Variants in TCF7L1 observed in about 807,000 individuals in gnomAD.
The protein encoded by TCF7L1 is transcription factor 7 like 1.
In TCF7L1, 18 loss-of-function variants were observed where a neutral mutation model predicts 63.7. The observed-to-expected ratio is 0.28, with a 90% confidence interval of 0.20 to 0.42. The LOEUF is 0.42. Ranked by LOEUF, TCF7L1 falls within the 10% of genes least tolerant of loss-of-function variation. The probability of loss-of-function intolerance (pLI) is 1.00; values close to 1 mark genes in which losing one functional copy is unlikely to be tolerated. For missense variants in TCF7L1, 654 were observed against 779.3 expected (o/e 0.84, Z 1.91); for synonymous variants, 355 against 340.9 (o/e 1.04, Z -0.46).
At chr2:85,230,206 G>C (rs1226300031) in intron 3 of TCF7L1, among the ~76,000 whole-genome samples, 1 of 151,992 alleles carries the variant, frequency 6.6e-6, no homozygotes, top group African/African-American at 2.4e-5. Flanking sequence ...TAGAAACTCG[G>C]GTTTTTCTGG....
rs189855704 is a variant in TCF7L1, at chr2:85,218,642, G to A, written c.442-64853G>A. 5.4e-4 allele frequency among the ~76,000 whole-genome samples: 81 copies of A among 150,952 alleles called. No individual in the cohort carries two copies. In the East Asian group the frequency reaches 0.014, roughly 26 times the overall value. On this transcript the variant is annotated intron_variant, in intron 3 of 11. Coordinates refer to ENST00000282111, the MANE Select transcript of TCF7L1 (RefSeq NM_031283.3). ...TTAAAATATCTTTTTATTCCAATGG[G>A]GGGGGGAAAACTGGTGATAGTGTTC...
At chr2:85,302,676 G>A in intron 5 of TCF7L1, 60 bp downstream of exon 5, 1 of 1,572,608 alleles carries the variant, frequency 6.4e-7, no homozygotes, top group Middle Eastern at 1.7e-4. Context: ...TCTTTTGTGG[G>A]AACATAACAG....
At chr2:85,277,823 A>T (rs564606471) in intron 3 of TCF7L1, among the ~76,000 whole-genome samples, 1 of 152,252 alleles carries the variant, frequency 6.6e-6, no homozygotes, top group South Asian at 2.1e-4. Context: ...GGCCCTGCTT[A>T]AAGGCTTTTC....
At chr2:85,212,003 T>C (rs1438184759) in intron 3 of TCF7L1, among the ~76,000 whole-genome samples, 2 of 140,758 alleles carry the variant, frequency 1.4e-5, no homozygotes, top group Non-Finnish European at 3.0e-5. Context: ...GGCAGGAGAA[T>C]CGCTTGAACC....
intron 3 of TCF7L1, among the ~76,000 whole-genome samples, chr2:85,152,148 C>T (rs1407902550): frequency 6.6e-6 from 1 of 152,214 alleles, no homozygotes; most frequent in Non-Finnish European, 1.5e-5. Flanking sequence ...TGCTTCTCTG[C>T]TTACTGGTCT....
Position 85,134,573 on chromosome 2 carries a change from C to A in TCF7L1, c.441+123C>A, listed in dbSNP as rs775016076. ...GCCGATCCCAAGCAGAACTTGTTTG[C>A]GGAGTTGAACTACTCTCTGGCGGCC... On this transcript the variant is annotated intron_variant, in intron 3 of 11. Transcript: ENST00000282111. This position sits in a 1 kb window ranked among gnomAD's most constrained non-coding sequence, Gnocchi z 5.0. 7.7e-7 allele frequency: 1 copy of A among 1,304,600 alleles called. No homozygotes were observed. The highest frequency in any genetic ancestry group is 1.0e-6 in the Non-Finnish European group (1 of 980,432). The allele number at this position is 1,304,600 out of a possible 1,614,324, so 80.8% of individuals were successfully genotyped here. A position where few individuals can be genotyped will look rare whatever the true frequency, so the allele number is the denominator to read the frequency against.
intron 3 of TCF7L1, among the ~76,000 whole-genome samples, chr2:85,252,388 G>A (rs1680612367): frequency 6.6e-6 from 1 of 152,224 alleles, no homozygotes; most frequent in South Asian, 2.1e-4. Flanking sequence ...TATACCCTGT[G>A]ATAATTTATA....
intron 3 of TCF7L1, among the ~76,000 whole-genome samples, chr2:85,153,258 A>G (rs372277606): frequency 6.6e-6 from 1 of 152,104 alleles, no homozygotes; most frequent in South Asian, 2.1e-4. Flanking sequence ...AGTGCCTGGC[A>G]CACACAGCAA....
At chr2:85,215,649 C>T (rs952665712) in intron 3 of TCF7L1, among the ~76,000 whole-genome samples, 2 of 151,858 alleles carry the variant, frequency 1.3e-5, no homozygotes, top group African/African-American at 4.8e-5. Context: ...ATAGATTGCT[C>T]CTTTGGCTGT....
At chr2:85,231,507 C>T (rs1048558936) in intron 3 of TCF7L1, among the ~76,000 whole-genome samples, 2 of 152,230 alleles carry the variant, frequency 1.3e-5, no homozygotes, top group African/African-American at 4.8e-5. Flanking sequence ...ACCTTCCTCA[C>T]ACTGATGGTC....
At chr2:85,280,871 G>A (rs1681396597) in intron 3 of TCF7L1, among the ~76,000 whole-genome samples, 1 of 152,190 alleles carries the variant, frequency 6.6e-6, no homozygotes, top group African/African-American at 2.4e-5. Flanking sequence ...GCTGCGGGTG[G>A]AGAGTTGAGG....
intron 3 of TCF7L1, among the ~76,000 whole-genome samples, chr2:85,257,706 C>T (rs896288036): frequency 6.6e-6 from 1 of 152,188 alleles, no homozygotes; most frequent in Non-Finnish European, 1.5e-5. Flanking sequence ...GGAGCCCACG[C>T]CCACTGCACA....
At chr2:85,295,029 GA>G (rs201917904) in intron 4 of TCF7L1, among the ~76,000 whole-genome samples, 8 of 150,756 alleles carry the variant, frequency 5.3e-5, no homozygotes, top group African/African-American at 1.2e-4. Context: ...GACCCTGTCT[GA>G]AAAAAAAAAT....
intron 3 of TCF7L1, among the ~76,000 whole-genome samples, chr2:85,229,670 A>T (rs1407258512): frequency 2.6e-5 from 4 of 152,180 alleles, no homozygotes; most frequent in Non-Finnish European, 5.9e-5. Flanking sequence ...AGATTTTTTT[A>T]AATTTTACTT....
chr2:85,185,959 G>A lies in TCF7L1; in HGVS notation c.441+51509G>A, dbSNP rs528167935. ...CTCCCAGTCAGGAGACAACACAGGG[G>A]ATTTTTTTTTTTTTTTTTTTTTTTT... is the stretch of plus-strand genomic sequence containing the variant. On this transcript the variant is annotated intron_variant, in intron 3 of 11. Coordinates refer to ENST00000282111, the MANE Select transcript of TCF7L1 (RefSeq NM_031283.3). Among the ~76,000 whole-genome samples the A allele has an allele frequency of 5.2e-3, 706 of 135,508 alleles. 6 individuals are homozygous for A. The highest frequency in any genetic ancestry group is 0.02 in the African/African-American group (638 of 31,576). The allele number at this position is 135,508 out of a possible 152,430, so 88.9% of individuals were successfully genotyped here.
At chr2:85,189,645 G>A (rs947506410) in intron 3 of TCF7L1, among the ~76,000 whole-genome samples, 1 of 152,192 alleles carries the variant, frequency 6.6e-6, no homozygotes, top group African/African-American at 2.4e-5. Context: ...GTGGAAGGAC[G>A]GCCTCCCTTC....
intron 3 of TCF7L1, among the ~76,000 whole-genome samples, chr2:85,172,872 C>A (rs1230174491): frequency 6.6e-6 from 1 of 152,146 alleles, no homozygotes; most frequent in Non-Finnish European, 1.5e-5. Flanking sequence ...GCCCTCTTCA[C>A]CCCTCTCCTG....
At chr2:85,291,993 A>ATGTTTTTTT (rs1681727147) in intron 4 of TCF7L1, among the ~76,000 whole-genome samples, 1 of 13,832 alleles carries the variant, frequency 7.2e-5, no homozygotes, top group Non-Finnish European at 9.8e-5. Flanking sequence ...GGTCATATGT[A>ATGTTTTTTT]TTTTTTTTTT....
intron 3 of TCF7L1, chr2:85,204,864 T>C (rs1572990730): frequency 6.7e-6 from 1 of 149,988 alleles, no homozygotes; most frequent in Middle Eastern, 3.4e-3. Context: ...AAAATACTTG[T>C]AGAAGGTATT....
Sources: allele counts gnomAD v4.1 joint callset (sites outside exome capture counted in the v4.1 genomes callset), GRCh38; gene constraint gnomAD v4.1.1; non-coding constraint Gnocchi (gnomAD v3.1); transcripts MANE v1.5; gene names NCBI Gene and HGNC (gene_info 2026-07-23, HGNC 2026-07-21).